Variants in TASP1 observed in about 807,000 individuals in gnomAD.
TASP1 encodes taspase 1.
A neutral mutation model predicts 56.6 loss-of-function variants in TASP1; 16 were observed. The observed-to-expected ratio is 0.28, with a 90% confidence interval of 0.19 to 0.43. TASP1 has a LOEUF of 0.43. TASP1 is among the 20% of genes least tolerant of loss of function. TASP1 has a pLI of 1.00. For synonymous variants in TASP1, 179 were observed against 184.2 expected (o/e 0.97, Z 0.23); for missense variants, 393 against 511.6 (o/e 0.77, Z 2.24).
the TASP1 span, among the ~76,000 whole-genome samples, chr20:13,214,848 T>C: frequency 6.6e-6 from 1 of 152,168 alleles, no homozygotes; most frequent in African/African-American, 2.4e-5. Context: ...TCTATAGCTT[T>C]CCATTTATTT....
At chr20:13,291,995 C>T in the TASP1 span, among the ~76,000 whole-genome samples, 13,801 of 152,190 alleles carry the variant, frequency 0.091, 785 homozygotes, top group Non-Finnish European at 0.13. Flanking sequence ...ATGATTTCAA[C>T]GCACACAGTC....
the TASP1 span, among the ~76,000 whole-genome samples, chr20:13,349,137 T>C: frequency 2.0e-5 from 3 of 152,324 alleles, no homozygotes; most frequent in East Asian, 5.8e-4. Flanking sequence ...TGGGGCCTTT[T>C]GAGGGGACAG....
the TASP1 span, among the ~76,000 whole-genome samples, chr20:13,183,367 A>G: frequency 6.6e-6 from 1 of 152,238 alleles, no homozygotes; most frequent in Non-Finnish European, 1.5e-5. Context: ...TGTAAGAAGG[A>G]TTAAATGCTT....
intron 10 of TASP1, among the ~76,000 whole-genome samples, chr20:13,525,855 C>T (rs1601122749): frequency 6.6e-6 from 1 of 152,092 alleles, no homozygotes; most frequent in Non-Finnish European, 1.5e-5. Context: ...GTTCTGTGGG[C>T]TGATGATGGT....
At chr20:13,164,041 C>A in the TASP1 span, among the ~76,000 whole-genome samples, 1 of 152,252 alleles carries the variant, frequency 6.6e-6, no homozygotes, top group South Asian at 2.1e-4. Context: ...TCTCCTAATG[C>A]TATCCCTCCC....
rs376478748 is a variant in TASP1 at position 13,590,690 on chromosome 20, AC to A, written c.283-3321del. On this transcript the variant is annotated intron_variant, in intron 4 of 13. Transcript: ENST00000337743. The stretch of plus-strand genomic sequence containing the variant: ...AGACCAGCCTGGCCAACATGGTGAA[AC>A]CCCATCTCTACTAAAAATACAAAAA... Among the ~76,000 whole-genome samples the A allele has an allele frequency of 2.8e-3, 432 of 152,006 alleles. 2 individuals are homozygous for A. Among genetic ancestry groups the A allele is most frequent in the South Asian group, 4.8e-3 (23 of 4,804 alleles).
chr20:13,242,501 G>C, the TASP1 span, among the ~76,000 whole-genome samples: 8 of 152,176 alleles, frequency 5.3e-5, no homozygotes, highest in Non-Finnish European at 8.8e-5. Context: ...TGGAGGAAAA[G>C]CCCGAGAAGG....
At chr20:13,614,230 A>T (rs1876904620) in intron 4 of TASP1, among the ~76,000 whole-genome samples, 1 of 152,208 alleles carries the variant, frequency 6.6e-6, no homozygotes, top group Non-Finnish European at 1.5e-5. Flanking sequence ...CATTCTGTGA[A>T]CACTTGAGTC....
At chr20:13,459,808 TAGCTTC>T (rs1301953953) in intron 11 of TASP1, among the ~76,000 whole-genome samples, 1 of 152,076 alleles carries the variant, frequency 6.6e-6, no homozygotes, top group Non-Finnish European at 1.5e-5. Context: ...CCAAGGTCAA[TAGCTTC>T]ACCTGTTGAC....
intron 10 of TASP1, among the ~76,000 whole-genome samples, chr20:13,495,932 A>T (rs1484050326): frequency 6.6e-6 from 1 of 152,200 alleles, no homozygotes; most frequent in African/African-American, 2.4e-5. Context: ...CATAAAAACC[A>T]ATACATAGAT....
At chr20:13,274,830 T>C in the TASP1 span, among the ~76,000 whole-genome samples, 2 of 152,164 alleles carry the variant, frequency 1.3e-5, no homozygotes, top group African/African-American at 2.4e-5. Context: ...GGCTTCAAGC[T>C]GTGGAAGTGA....
chr20:13,451,335 A>G (rs2043609140), intron 11 of TASP1, among the ~76,000 whole-genome samples: 1 of 152,102 alleles, frequency 6.6e-6, no homozygotes, highest in Admixed American at 6.6e-5. Flanking sequence ...TCAGAAGCCA[A>G]GGCACTGACT....
intron 12 of TASP1, among the ~76,000 whole-genome samples, chr20:13,420,790 T>G (rs2042407205): frequency 6.6e-6 from 1 of 152,148 alleles, no homozygotes; most frequent in Non-Finnish European, 1.5e-5. Context: ...CAGTACGGTT[T>G]AAGTCATTTT....
At chr20:13,503,494 T>A (rs907707700) in intron 10 of TASP1, among the ~76,000 whole-genome samples, 6 of 152,180 alleles carry the variant, frequency 3.9e-5, no homozygotes. Flanking sequence ...TTGAAACTAG[T>A]TAGTAGAGAC....
At chr20:13,625,950 T>C (rs999027755) in intron 2 of TASP1, among the ~76,000 whole-genome samples, 1 of 152,162 alleles carries the variant, frequency 6.6e-6, no homozygotes, top group African/African-American at 2.4e-5. Context: ...CCTACAAGGA[T>C]ACATAACTTG....
At position 13,519,972 on chromosome 20, in the gene TASP1, C is replaced by G. The variant is rs530293810; in HGVS notation, c.874+8461G>C. 1.4e-4 allele frequency among the ~76,000 whole-genome samples: 22 copies of G among 152,200 alleles called. 1 individual carries two copies. In the South Asian group the frequency reaches 4.4e-3, roughly 30 times the overall value. ...CAAAAATCACAAGCATTCTTATACA[C>G]CAATAACAGACAAACAGAGAGCCAA... is the stretch of plus-strand genomic sequence containing the variant. On this transcript the variant is annotated intron_variant, in intron 10 of 13. Coordinates refer to ENST00000337743, the MANE Select transcript of TASP1 (RefSeq NM_017714.3).
chr20:13,236,647 G>A, the TASP1 span, among the ~76,000 whole-genome samples: 81 of 152,290 alleles, frequency 5.3e-4, no homozygotes, highest in African/African-American at 1.6e-3. Flanking sequence ...AAGCAAGCTA[G>A]TTACTTCCTA....
chr20:13,312,293 T>A, the TASP1 span, among the ~76,000 whole-genome samples: 1 of 152,186 alleles, frequency 6.6e-6, no homozygotes, highest in African/African-American at 2.4e-5. Context: ...ATATGTGAGT[T>A]CACAGTCGGC....
chr20:13,419,064 G>A (rs552848624), intron 12 of TASP1, among the ~76,000 whole-genome samples: 4 of 152,300 alleles, frequency 2.6e-5, no homozygotes, highest in Admixed American at 6.5e-5. Context: ...AATTGATAAA[G>A]TTGGAAAAGG....
Sources: gnomAD v4.1 joint callset for allele counts (sites outside exome capture counted in the v4.1 genomes callset) on GRCh38, gnomAD v4.1.1 for gene constraint, MANE v1.5 for transcripts, NCBI Gene and HGNC (gene_info 2026-07-23, HGNC 2026-07-21) for gene names.